Variants in KANK1 observed in about 807,000 individuals in gnomAD.
The protein encoded by KANK1 is KN motif and ankyrin repeat domain-containing protein 1.
A neutral mutation model predicts 106.2 loss-of-function variants in KANK1; 109 were observed. The ratio of observed to expected loss-of-function variants is 1.03; its 90% CI spans 0.88 to 1.20. KANK1 has a LOEUF of 1.20. KANK1 is among the 50% of genes most tolerant of loss of function. The pLI is 0.00. For missense variants in KANK1, 2,399 were observed against 1,710.7 expected (o/e 1.40, Z -7.10); for synonymous variants, 873 against 652.2 (o/e 1.34, Z -5.16).
At chr9:565,038 A>T (rs1817478215) in intron 1 of KANK1, among the ~76,000 whole-genome samples, 3 of 152,176 alleles carry the variant, frequency 2.0e-5, no homozygotes, top group African/African-American at 7.2e-5. Flanking sequence ...CATTAGACAA[A>T]TGTCAGTGGG....
chr9:543,492 G>A (rs2060734508), intron 1 of KANK1, among the ~76,000 whole-genome samples: 1 of 151,198 alleles, frequency 6.6e-6, no homozygotes, highest in South Asian at 2.1e-4. Flanking sequence ...CCAGGAAGTG[G>A]AGGTTGCAGT....
At chr9:644,508 G>A (rs1588522122) in intron 1 of KANK1, among the ~76,000 whole-genome samples, 1 of 151,046 alleles carries the variant, frequency 6.6e-6, no homozygotes, top group East Asian at 1.9e-4. Flanking sequence ...GAAGGCAAAG[G>A]GGAAGCAGGC....
At chr9:480,681 G>A (rs780345863) in intron 3 of KANK1, among the ~76,000 whole-genome samples, 7 of 152,208 alleles carry the variant, frequency 4.6e-5, no homozygotes, top group Admixed American at 6.5e-5. Flanking sequence ...TTCCACCAGT[G>A]GAACATACTT....
At chr9:690,133 CAAAA>C (rs57837964) in intron 2 of KANK1, among the ~76,000 whole-genome samples, 168 of 61,664 alleles carry the variant, frequency 2.7e-3, no homozygotes, top group Non-Finnish European at 3.7e-3. Flanking sequence ...TCTAAAAATA[CAAAA>C]AAAAAAAAAA....
intron 1 of KANK1, among the ~76,000 whole-genome samples, chr9:612,597 C>T (rs1399286210): frequency 1.3e-5 from 2 of 152,088 alleles, no homozygotes. Context: ...ATTTGGAATA[C>T]ATAGGTCAAC....
chr9:650,923 A>T (rs952376146), intron 1 of KANK1, among the ~76,000 whole-genome samples: 1 of 152,138 alleles, frequency 6.6e-6, no homozygotes, highest in African/African-American at 2.4e-5. Context: ...GAAGAAATGC[A>T]CAAAGGAGAG....
chr9:545,864 G>T lies in KANK1; in HGVS notation c.-84+41110G>T, dbSNP rs1003250193. On this transcript the variant is annotated intron_variant, in intron 1 of 11. Transcript: ENST00000382297. ...GGGTTCAGGTGATTCTTCTGCCTCA[G>T]CCTCCCAAGTAGCTGGGATTACAGG... Among the ~76,000 whole-genome samples the T allele has an allele frequency of 4.0e-5, 6 of 151,418 alleles. No homozygotes were observed. The South Asian group carries it at 1.3e-3, about 32-fold the overall frequency.
chr9:542,414 G>T (rs10975055), intron 1 of KANK1, among the ~76,000 whole-genome samples: 16 of 152,242 alleles, frequency 1.1e-4, no homozygotes, highest in Non-Finnish European at 2.2e-4. Context: ...GGTAACAAGT[G>T]TGTTGGGAAA....
intron 1 of KANK1, among the ~76,000 whole-genome samples, chr9:505,474 C>G (rs917826374): frequency 6.6e-6 from 1 of 152,198 alleles, no homozygotes; most frequent in African/African-American, 2.4e-5. Context: ...GCGGGCTGGT[C>G]CCCGAATGTT....
chr9:570,145 C>T (rs1818811408), intron 1 of KANK1, among the ~76,000 whole-genome samples: 1 of 152,060 alleles, frequency 6.6e-6, no homozygotes, highest in African/African-American at 2.4e-5. Flanking sequence ...GGAGAGTGCT[C>T]TCTCATTGCT....
chr9:540,841 T>C (rs1477239797), intron 1 of KANK1, among the ~76,000 whole-genome samples: 1 of 152,216 alleles, frequency 6.6e-6, no homozygotes, highest in Admixed American at 6.5e-5. Context: ...TATAATCCTT[T>C]GTATTTTTGT....
intron 1 of KANK1, among the ~76,000 whole-genome samples, chr9:585,828 C>T (rs377585556): frequency 1.3e-5 from 2 of 151,974 alleles, no homozygotes; most frequent in Admixed American, 6.6e-5. Context: ...AATGATCAGA[C>T]TAATCTGATT....
chr9:652,901 ACCCTG>A (rs1563929758), intron 1 of KANK1, among the ~76,000 whole-genome samples: 1 of 152,186 alleles, frequency 6.6e-6, no homozygotes, highest in African/African-American at 2.4e-5. Context: ...AAAAGTAGCC[ACCCTG>A]GGAGCTGAGT....
chr9:618,890 GC>G (rs1391486389), intron 1 of KANK1, among the ~76,000 whole-genome samples: 2 of 152,228 alleles, frequency 1.3e-5, no homozygotes, highest in African/African-American at 4.8e-5. Context: ...CTCCTCACGA[GC>G]CTTAAAACAG....
chr9:706,133 A>G (rs1012771080), intron 2 of KANK1, among the ~76,000 whole-genome samples: 4 of 152,208 alleles, frequency 2.6e-5, no homozygotes, highest in Non-Finnish European at 5.9e-5. Flanking sequence ...GTTTGTGAAA[A>G]TGACACCTTG....
At chr9:577,178 G>T (rs544629144) in intron 1 of KANK1, among the ~76,000 whole-genome samples, 2 of 152,342 alleles carry the variant, frequency 1.3e-5, no homozygotes, top group East Asian at 1.9e-4. Flanking sequence ...GAACCCAAGC[G>T]GGTTGCCTCT....
chr9:694,271 C>T (rs1341182385), intron 2 of KANK1, among the ~76,000 whole-genome samples: 1 of 152,198 alleles, frequency 6.6e-6, no homozygotes, highest in African/African-American at 2.4e-5. Flanking sequence ...TTAGAAAAGC[C>T]TGTTTTATCC....
intron 1 of KANK1, among the ~76,000 whole-genome samples, chr9:578,143 C>T (rs1367663207): frequency 6.6e-6 from 1 of 152,280 alleles, no homozygotes; most frequent in Non-Finnish European, 1.5e-5. Context: ...AGAACTGAGC[C>T]AAATGAGGAC....
chr9:742,619 A>C (rs976259531), intron 10 of KANK1, among the ~76,000 whole-genome samples: 2 of 152,220 alleles, frequency 1.3e-5, no homozygotes, highest in African/African-American at 4.8e-5. Context: ...CCAAAGCAGA[A>C]TAAATAGGCC....
Sources: gnomAD v4.1 joint callset for allele counts (sites outside exome capture counted in the v4.1 genomes callset) on GRCh38, gnomAD v4.1.1 for gene constraint, MANE v1.5 for transcripts, NCBI Gene and HGNC (gene_info 2026-07-23, HGNC 2026-07-21) for gene names.